Variants in TRAPPC9 observed in about 807,000 individuals in gnomAD.
The protein encoded by TRAPPC9 is trafficking protein particle complex subunit 9.
A neutral mutation model predicts 124.0 loss-of-function variants in TRAPPC9; 83 were observed. That is an observed-to-expected ratio of 0.67 (90% confidence interval 0.56 to 0.80). The LOEUF is 0.80. Among genes scored for constraint, TRAPPC9 ranks in the 30% least tolerant of loss-of-function variants. The pLI is 0.00. For missense variants in TRAPPC9, 1,302 were observed against 1,508.3 expected (o/e 0.86, Z 2.27); for synonymous variants, 638 against 617.5 (o/e 1.03, Z -0.49).
At chr8:139,991,107 G>A (rs1314044290) in intron 18 of TRAPPC9, among the ~76,000 whole-genome samples, 1 of 152,198 alleles carries the variant, frequency 6.6e-6, no homozygotes, top group Non-Finnish European at 1.5e-5. Context: ...CTATTCCTCT[G>A]TTGTCATAAC....
chr8:139,813,911 G>A (rs534994202), intron 21 of TRAPPC9, among the ~76,000 whole-genome samples: 26 of 152,300 alleles, frequency 1.7e-4, no homozygotes, highest in Non-Finnish European at 2.8e-4. Context: ...GGGGCAGAGG[G>A]CTGCAGACAG....
chr8:140,157,428 G>C (rs75684955), intron 17 of TRAPPC9, among the ~76,000 whole-genome samples: 4,079 of 151,552 alleles, frequency 0.027, 91 homozygotes, highest in East Asian at 0.12. Context: ...CAGGTGGAGG[G>C]GAGGGAGGAG....
chr8:139,939,537 G>A (rs374830930), intron 19 of TRAPPC9, among the ~76,000 whole-genome samples: 8 of 148,628 alleles, frequency 5.4e-5, no homozygotes, highest in South Asian at 2.3e-4. Context: ...CTCCCAACCC[G>A]TCCAGGTCCA....
chr8:139,923,558 A>T, intron 19 of TRAPPC9, among the ~76,000 whole-genome samples: 1 of 148,230 alleles, frequency 6.7e-6, no homozygotes. Flanking sequence ...TCCACCTGGA[A>T]AAATTCTCCA....
chr8:140,447,095 G>A (rs776387525), intron 2 of TRAPPC9, among the ~76,000 whole-genome samples: 1 of 152,142 alleles, frequency 6.6e-6, no homozygotes, highest in African/African-American at 2.4e-5. Context: ...GACTTTTGCA[G>A]TTAAGCTATC....
At chr8:139,908,407 A>G (rs994035041) in intron 20 of TRAPPC9, among the ~76,000 whole-genome samples, 3 of 152,050 alleles carry the variant, frequency 2.0e-5, no homozygotes, top group Non-Finnish European at 4.4e-5. Context: ...AGCCTCTCCA[A>G]CCCTCAGCCT....
At chr8:140,030,101 A>T (rs1840411378) in intron 17 of TRAPPC9, among the ~76,000 whole-genome samples, 1 of 149,382 alleles carries the variant, frequency 6.7e-6, no homozygotes, top group Admixed American at 6.7e-5. Context: ...ATAGTTTTTT[A>T]AAAACTCTCA....
At chr8:140,406,375 C>T (rs12677358) in intron 5 of TRAPPC9, among the ~76,000 whole-genome samples, 38,648 of 152,144 alleles carry the variant, frequency 0.25, 5,729 homozygotes, top group East Asian at 0.42. Flanking sequence ...GAAAGCTGGG[C>T]TTCTATGAAA....
At chr8:140,138,591 T>A (rs1289685302) in intron 17 of TRAPPC9, among the ~76,000 whole-genome samples, 5 of 152,174 alleles carry the variant, frequency 3.3e-5, no homozygotes. Context: ...CTGGCCTGAC[T>A]GATCCCAGAA....
intron 17 of TRAPPC9, among the ~76,000 whole-genome samples, chr8:140,079,562 G>T (rs1313156934): frequency 1.3e-5 from 2 of 152,116 alleles, no homozygotes; most frequent in Non-Finnish European, 2.9e-5. Flanking sequence ...TACACCCAAG[G>T]ACCTGGACTA....
At chr8:139,997,929 G>A (rs1838142868) in intron 18 of TRAPPC9, among the ~76,000 whole-genome samples, 1 of 101,168 alleles carries the variant, frequency 9.9e-6, no homozygotes, top group Non-Finnish European at 2.1e-5. Context: ...CCACACAGGG[G>A]ATACAATGCA....
At chr8:139,905,540 G>A (rs775521517) in intron 20 of TRAPPC9, among the ~76,000 whole-genome samples, 1 of 152,156 alleles carries the variant, frequency 6.6e-6, no homozygotes, top group Non-Finnish European at 1.5e-5. Flanking sequence ...ACTTCATGAT[G>A]AGAATAGAGA....
At chr8:140,285,888 C>T (rs1470437658) in intron 13 of TRAPPC9, among the ~76,000 whole-genome samples, 1 of 152,210 alleles carries the variant, frequency 6.6e-6, no homozygotes, top group African/African-American at 2.4e-5. Context: ...TTACACCTGC[C>T]TCACTCACCC....
intron 21 of TRAPPC9, among the ~76,000 whole-genome samples, chr8:139,882,675 G>A (rs1434712378): frequency 6.6e-6 from 1 of 152,202 alleles, no homozygotes; most frequent in Non-Finnish European, 1.5e-5. Flanking sequence ...GTGGCGAGGA[G>A]ACAGGTGCGG....
intron 14 of TRAPPC9, among the ~76,000 whole-genome samples, chr8:140,283,588 G>A (rs1033028688): frequency 2.6e-5 from 4 of 151,818 alleles, no homozygotes; most frequent in Admixed American, 6.6e-5. Flanking sequence ...GAGCCACCGC[G>A]CCAGGCCAAA....
At chr8:139,761,566 C>T (rs554886090) in intron 21 of TRAPPC9, among the ~76,000 whole-genome samples, 13 of 152,108 alleles carry the variant, frequency 8.5e-5, no homozygotes, top group South Asian at 6.2e-4. Context: ...ACTATGACCC[C>T]GCATTCTGAC....
intron 9 of TRAPPC9, among the ~76,000 whole-genome samples, chr8:140,348,403 G>A (rs913105974): frequency 6.6e-6 from 1 of 151,994 alleles, no homozygotes; most frequent in South Asian, 2.1e-4. Context: ...GAAGAGTAAG[G>A]CAGCGTTCTG....
intron 15 of TRAPPC9, among the ~76,000 whole-genome samples, chr8:140,262,277 G>A (rs1002656881): frequency 6.6e-6 from 1 of 152,088 alleles, no homozygotes; most frequent in Non-Finnish European, 1.5e-5. Flanking sequence ...ACAACTAAGT[G>A]GGAGTTTGAT....
chr8:140,060,558 C>A (rs1043989920), intron 17 of TRAPPC9, among the ~76,000 whole-genome samples: 10 of 151,986 alleles, frequency 6.6e-5, no homozygotes, highest in Non-Finnish European at 1.3e-4. Flanking sequence ...CCATCCTTAT[C>A]CGTCCCAACC....
Sources: gnomAD v4.1 joint callset for allele counts (sites outside exome capture counted in the v4.1 genomes callset) on GRCh38, gnomAD v4.1.1 for gene constraint, MANE v1.5 for transcripts, NCBI Gene and HGNC (gene_info 2026-07-23, HGNC 2026-07-21) for gene names.